TEAD4: variants seen among roughly 807,000 people sequenced by gnomAD.
TEAD4 encodes transcriptional enhancer factor TEF-3.
Under a neutral mutation model 52.4 loss-of-function variants are expected in TEAD4, and 36 were observed. The ratio of observed to expected loss-of-function variants is 0.69; its 90% CI spans 0.53 to 0.91. TEAD4 has a LOEUF of 0.91. TEAD4 is among the 40% of genes least tolerant of loss of function. TEAD4 has a pLI of 0.00. For synonymous variants in TEAD4, 220 were observed against 231.0 expected (o/e 0.95, Z 0.43); for missense variants, 508 against 583.9 (o/e 0.87, Z 1.34).
chr12:2,964,215 G>T (rs1024516992), intron 2 of TEAD4, among the ~76,000 whole-genome samples: 3 of 152,164 alleles, frequency 2.0e-5, no homozygotes, highest in Non-Finnish European at 4.4e-5. Flanking sequence ...GCCAGCCTCC[G>T]CTCGTGCCAC....
chr12:3,024,666 A>G (rs7297239), intron 10 of TEAD4, among the ~76,000 whole-genome samples: 121,698 of 152,006 alleles, frequency 0.8, 49,624 homozygotes, highest in East Asian at 1. Flanking sequence ...AAAACAAAAA[A>G]ACAAAAAACA....
chr12:3,026,265 T>G (rs2098272039), intron 10 of TEAD4, among the ~76,000 whole-genome samples: 1 of 152,390 alleles, frequency 6.6e-6, no homozygotes, highest in Non-Finnish European at 1.5e-5. Context: ...GTCTGTTTTC[T>G]TAGCGATTTC....
At chr12:2,980,749 A>AT (rs901180435) in intron 2 of TEAD4, among the ~76,000 whole-genome samples, 1 of 150,766 alleles carries the variant, frequency 6.6e-6, no homozygotes, top group African/African-American at 2.4e-5. Flanking sequence ...AAAAAAAAAA[A>AT]GTTGGCAAAA....
intron 2 of TEAD4, among the ~76,000 whole-genome samples, chr12:2,974,259 T>G (rs1458907428): frequency 6.6e-6 from 1 of 152,198 alleles, no homozygotes; most frequent in Non-Finnish European, 1.5e-5. Flanking sequence ...TGCCTCGGCC[T>G]CCCAAAGTGC....
At chr12:3,010,652 C>G (rs905908875) in intron 3 of TEAD4, among the ~76,000 whole-genome samples, 1 of 152,170 alleles carries the variant, frequency 6.6e-6, no homozygotes, top group African/African-American at 2.4e-5. Context: ...GTGAAGAAGG[C>G]CCAGGAGAAA....
At chr12:2,986,732 T>C (rs7296740) in intron 2 of TEAD4, among the ~76,000 whole-genome samples, 27,286 of 152,030 alleles carry the variant, frequency 0.18, 3,234 homozygotes, top group African/African-American at 0.33. Context: ...GTAACACAGT[T>C]GTTTATTGTC....
At chr12:2,975,986 C>G (rs2098229332) in intron 2 of TEAD4, among the ~76,000 whole-genome samples, 1 of 145,012 alleles carries the variant, frequency 6.9e-6, no homozygotes, top group Admixed American at 7.3e-5. Context: ...ATTTGAGTTT[C>G]CTCCATGTCT....
At chr12:2,984,192 G>A (rs1161310832) in intron 2 of TEAD4, among the ~76,000 whole-genome samples, 3 of 152,166 alleles carry the variant, frequency 2.0e-5, no homozygotes, top group Admixed American at 1.3e-4. Context: ...AGGTATGGCC[G>A]GAGAGCAGGG....
At chr12:3,033,969 T>C (rs4759428) in intron 10 of TEAD4, among the ~76,000 whole-genome samples, 144,902 of 151,248 alleles carry the variant, frequency 0.96, 70,007 homozygotes, top group East Asian at 1. Flanking sequence ...GGTTCGTCCG[T>C]GTCGCCGGCT....
At chr12:2,999,014 C>A (rs1020532887) in intron 3 of TEAD4, among the ~76,000 whole-genome samples, 1 of 152,188 alleles carries the variant, frequency 6.6e-6, no homozygotes, top group Non-Finnish European at 1.5e-5. Context: ...GGCAGGACTG[C>A]GTGGGGACTG....
intron 2 of TEAD4, among the ~76,000 whole-genome samples, chr12:2,980,663 G>C (rs1294644408): frequency 6.6e-6 from 1 of 152,018 alleles, no homozygotes; most frequent in Admixed American, 6.6e-5. Flanking sequence ...AACCTAGGAG[G>C]CTGAGATTGC....
chr12:2,990,966 C>A (rs1342615425), intron 2 of TEAD4, among the ~76,000 whole-genome samples: 1 of 152,114 alleles, frequency 6.6e-6, no homozygotes, highest in Admixed American at 6.6e-5. Flanking sequence ...GGGAGAATTG[C>A]TTGAGGCTGG....
intron 4 of TEAD4, among the ~76,000 whole-genome samples, chr12:3,011,651 A>G (rs1270377334): frequency 6.6e-6 from 1 of 151,896 alleles, no homozygotes; most frequent in Non-Finnish European, 1.5e-5. Flanking sequence ...AGACAGTAAA[A>G]CATTGGCACT....
In TEAD4 at chr12:3,020,620, C is replaced by T; in HGVS notation, c.584-14C>T. 1 of 1,523,308 alleles carries T rather than the reference C, an allele frequency of 6.6e-7. No individual in the cohort carries two copies. The highest frequency in any genetic ancestry group is 1.3e-5 in the South Asian group (1 of 77,782). 94.4% of individuals were successfully genotyped at this position (1,523,308 alleles called of 1,614,324 possible). ...CCGTGACCAGGTTCCATGTGCCTTT[C>T]TCACTTTGTGCAGGGTTTGAGTCTC... On this transcript the variant is annotated splice_polypyrimidine_tract_variant and intron_variant, in intron 8 of 12. Coordinates refer to ENST00000359864, the MANE Select transcript of TEAD4 (RefSeq NM_003213.4).
chr12:2,968,565 T>A (rs2098222477), intron 2 of TEAD4, among the ~76,000 whole-genome samples: 2 of 151,744 alleles, frequency 1.3e-5, no homozygotes, highest in Admixed American at 6.6e-5. Flanking sequence ...GGTGATGCCA[T>A]GCCCGCCTAA....
chr12:2,978,821 C>T (rs2098231920), intron 2 of TEAD4, among the ~76,000 whole-genome samples: 1 of 152,176 alleles, frequency 6.6e-6, no homozygotes, highest in Non-Finnish European at 1.5e-5. Flanking sequence ...AGTGAAATAA[C>T]ATGAGATTTG....
chr12:3,028,741 G>A (rs982368427), intron 10 of TEAD4, among the ~76,000 whole-genome samples: 3 of 151,646 alleles, frequency 2.0e-5, no homozygotes, highest in Admixed American at 6.6e-5. Context: ...ACTGATTCTC[G>A]TACCTCAGCC....
chr12:3,009,667 C>T (rs149613947), intron 3 of TEAD4, among the ~76,000 whole-genome samples: 4 of 152,170 alleles, frequency 2.6e-5, no homozygotes, highest in South Asian at 2.1e-4. Flanking sequence ...TTCACTGGAC[C>T]GCCAAAGCCT....
At chr12:3,020,892 G>A (rs927432840) in intron 9 of TEAD4, 119 bp downstream of exon 9, 4 of 1,159,360 alleles carry the variant, frequency 3.5e-6, no homozygotes, top group East Asian at 5.9e-5. Context: ...GTTCCTTTCC[G>A]ATCTTCCCTT....
Sources: gnomAD v4.1 joint callset for allele counts (sites outside exome capture counted in the v4.1 genomes callset) on GRCh38, gnomAD v4.1.1 for gene constraint, MANE v1.5 for transcripts, NCBI Gene and HGNC (gene_info 2026-07-23, HGNC 2026-07-21) for gene names.